JAM3: variants seen among roughly 807,000 people sequenced by gnomAD.
The protein encoded by JAM3 is junctional adhesion molecule C.
JAM3 carries 31 observed loss-of-function variants against 39.4 expected under a neutral mutation model. The observed-to-expected ratio is 0.79, with a 90% CI of 0.59 to 1.06. The LOEUF is 1.06. Ranked by LOEUF, JAM3 falls within the 50% of genes least tolerant of loss-of-function variation. The pLI is 0.00. For synonymous variants in JAM3, 182 were observed against 148.7 expected (o/e 1.22, Z -1.63); for missense variants, 455 against 391.4 (o/e 1.16, Z -1.37).
intron 1 of JAM3, among the ~76,000 whole-genome samples, chr11:134,105,914 C>T (rs1324702717): frequency 6.6e-6 from 1 of 152,152 alleles, no homozygotes; most frequent in Admixed American, 6.5e-5. Flanking sequence ...GTGAAAATGG[C>T]CATACCGCCG....
intron 1 of JAM3, among the ~76,000 whole-genome samples, chr11:134,139,336 G>A (rs1942930416): frequency 6.6e-6 from 1 of 152,136 alleles, no homozygotes; most frequent in Admixed American, 6.5e-5. Flanking sequence ...TGGAACCACC[G>A]GGTTGCTCAT....
intron 1 of JAM3, among the ~76,000 whole-genome samples, chr11:134,071,833 TA>T (rs150376633): frequency 1.4e-5 from 2 of 144,216 alleles, no homozygotes; most frequent in East Asian, 2.3e-4. Context: ...GTGTATGTTT[TA>T]AAAAAAACAA....
rs918558513 is a variant in JAM3, at chr11:134,075,316, G to T, written c.76+6157G>T. Reference sequence around the variant, plus strand: ...TTGTACAGATAATTGACTGACTTAAGTATAGATTTGGGAGGGACAGCGGTG... The same window carrying T: ...TTGTACAGATAATTGACTGACTTAATTATAGATTTGGGAGGGACAGCGGTG... On this transcript the variant is annotated intron_variant, in intron 1 of 8. Transcript: ENST00000299106. 2.6e-5 allele frequency among the ~76,000 whole-genome samples: 4 copies of T among 152,190 alleles called. No homozygotes were observed. The East Asian group carries it at 7.7e-4, about 29-fold the overall frequency.
At chr11:134,103,602 T>C (rs1942120661) in intron 1 of JAM3, among the ~76,000 whole-genome samples, 1 of 152,156 alleles carries the variant, frequency 6.6e-6, no homozygotes, top group African/African-American at 2.4e-5. Context: ...ATCAGTGTGC[T>C]GTATTCAGGA....
intron 1 of JAM3, among the ~76,000 whole-genome samples, chr11:134,074,111 G>T (rs1013911857): frequency 1.3e-5 from 2 of 152,186 alleles, no homozygotes; most frequent in African/African-American, 4.8e-5. Flanking sequence ...AGGTATACTA[G>T]TATATACTGT....
At chr11:134,102,158 C>T (rs1056143775) in intron 1 of JAM3, among the ~76,000 whole-genome samples, 11 of 152,168 alleles carry the variant, frequency 7.2e-5, no homozygotes, top group South Asian at 6.2e-4. Flanking sequence ...ACATACCCAA[C>T]GTAGCATGGT....
Position 134,131,442 on chromosome 11 carries a change from G to T in JAM3, c.77-8409G>T, listed in dbSNP as rs537012202. On this transcript the variant is annotated intron_variant, in intron 1 of 8. Coordinates refer to ENST00000299106, the MANE Select transcript of JAM3 (RefSeq NM_032801.5). ...AAAAAACACAGCAAATCTTGGGGGA[G>T]GGGGGACAATCTGATTTCCAGAGTT... 3.3e-5 allele frequency among the ~76,000 whole-genome samples: 5 copies of T among 151,904 alleles called. No homozygotes were observed. The South Asian group carries it at 1.0e-3, about 32-fold the overall frequency.
chr11:134,120,775 T>C (rs1158957247), intron 1 of JAM3, among the ~76,000 whole-genome samples: 1 of 152,224 alleles, frequency 6.6e-6, no homozygotes, highest in Non-Finnish European at 1.5e-5. Context: ...GTGAAAACTC[T>C]TAGCAAAATC....
intron 1 of JAM3, among the ~76,000 whole-genome samples, chr11:134,117,069 A>C (rs1014385214): frequency 6.6e-6 from 1 of 151,910 alleles, no homozygotes; most frequent in Non-Finnish European, 1.5e-5. Flanking sequence ...CTTAAAAAAA[A>C]AACAATCCAC....
intron 6 of JAM3, among the ~76,000 whole-genome samples, chr11:134,146,734 A>G (rs1212871632): frequency 6.6e-6 from 1 of 151,844 alleles, no homozygotes; most frequent in Non-Finnish European, 1.5e-5. Flanking sequence ...TGCTCAGCTA[A>G]TTTTATTTTT....
intron 1 of JAM3, among the ~76,000 whole-genome samples, chr11:134,083,935 G>A (rs189807982): frequency 1.3e-5 from 2 of 152,244 alleles, no homozygotes; most frequent in Non-Finnish European, 2.9e-5. Context: ...AGAGAATTGG[G>A]GAGATGGAAT....
intron 1 of JAM3, among the ~76,000 whole-genome samples, chr11:134,081,564 CAGA>C (rs1941666053): frequency 6.6e-6 from 1 of 152,206 alleles, no homozygotes; most frequent in Non-Finnish European, 1.5e-5. Context: ...TGCGAGTGCA[CAGA>C]AGGTCAAGAA....
chr11:134,077,449 C>T (rs140957592), intron 1 of JAM3, among the ~76,000 whole-genome samples: 1,516 of 151,022 alleles, frequency 0.01, 22 homozygotes, highest in African/African-American at 0.035. Flanking sequence ...CTGCAACCTC[C>T]GCCTCCTGGG....
At chr11:134,141,037 C>T (rs1942965094) in intron 3 of JAM3, among the ~76,000 whole-genome samples, 4 of 152,174 alleles carry the variant, frequency 2.6e-5, no homozygotes, top group Admixed American at 2.6e-4. Flanking sequence ...AGCCCCATTT[C>T]TTTGGGGAAT....
At chr11:134,070,288 C>T in intron 1 of JAM3, 1 of 441,226 alleles carries the variant, frequency 2.3e-6, no homozygotes, top group South Asian at 1.6e-5. Context: ...GGTAACCAGA[C>T]CAGGACCTTT....
chr11:134,146,440 G>A (rs781036921), intron 6 of JAM3, among the ~76,000 whole-genome samples: 3 of 152,138 alleles, frequency 2.0e-5, no homozygotes, highest in African/African-American at 7.2e-5. Context: ...TTTACCTGCA[G>A]ACAAAGCTTA....
chr11:134,099,655 G>A (rs1942040477), intron 1 of JAM3, among the ~76,000 whole-genome samples: 1 of 152,192 alleles, frequency 6.6e-6, no homozygotes, highest in South Asian at 2.1e-4. Context: ...CGCCCAGGCT[G>A]GAGTGCAATG....
At chr11:134,092,310 AC>A (rs1318485356) in intron 1 of JAM3, among the ~76,000 whole-genome samples, 22 of 150,606 alleles carry the variant, frequency 1.5e-4, no homozygotes, top group African/African-American at 2.4e-4. Flanking sequence ...CTTAAACGTC[AC>A]TTCCTGAGGG....
intron 1 of JAM3, among the ~76,000 whole-genome samples, chr11:134,125,445 G>A (rs1942630147): frequency 6.6e-6 from 1 of 152,088 alleles, no homozygotes; most frequent in Admixed American, 6.6e-5. Context: ...CACTTTATTT[G>A]TTGCTTTCTT....
Sources: gnomAD v4.1 joint callset for allele counts (sites outside exome capture counted in the v4.1 genomes callset) on GRCh38, gnomAD v4.1.1 for gene constraint, MANE v1.5 for transcripts, NCBI Gene and HGNC (gene_info 2026-07-23, HGNC 2026-07-21) for gene names.